The following NOL4 variants were observed in gnomAD, a reference collection of about 807,000 sequenced individuals.
NOL4 encodes the protein nucleolar protein 4.
A neutral mutation model predicts 75.9 loss-of-function variants in NOL4; 17 were observed. The ratio of observed to expected loss-of-function variants is 0.22; its 90% CI spans 0.15 to 0.34. The LOEUF (loss-of-function observed/expected upper bound fraction) is 0.34, where lower values mean the gene tolerates loss of function less well. Ranked by LOEUF, NOL4 falls within the 10% of genes least tolerant of loss-of-function variation. The probability of loss-of-function intolerance (pLI) is 1.00; values close to 1 mark genes in which losing one functional copy is unlikely to be tolerated. For synonymous variants in NOL4, 292 were observed against 289.9 expected (o/e 1.01, Z -0.07); for missense variants, 614 against 793.5 (o/e 0.77, Z 2.72).
chr18:34,174,872 G>T (rs988549212), intron 1 of NOL4, among the ~76,000 whole-genome samples: 16 of 151,966 alleles, frequency 1.1e-4, no homozygotes, highest in Non-Finnish European at 2.2e-4. Context: ...CTTTTTTATG[G>T]CTGCATAGTA....
At chr18:33,984,258 T>C (rs2072247513) in intron 6 of NOL4, among the ~76,000 whole-genome samples, 1 of 152,138 alleles carries the variant, frequency 6.6e-6, no homozygotes, top group Admixed American at 6.6e-5. Context: ...GATCTAATTT[T>C]CACTCATATC....
At chr18:34,074,047 T>C (rs1338074407) in intron 5 of NOL4, among the ~76,000 whole-genome samples, 1 of 151,730 alleles carries the variant, frequency 6.6e-6, no homozygotes, top group East Asian at 1.9e-4. Context: ...TATAAATACA[T>C]TAGAAAATAA....
intron 6 of NOL4, among the ~76,000 whole-genome samples, chr18:33,997,140 A>G (rs1209996028): frequency 1.3e-5 from 2 of 151,938 alleles, no homozygotes; most frequent in Non-Finnish European, 2.9e-5. Context: ...ATTTTTGAGT[A>G]CTTACTAATT....
chr18:34,221,186 T>C (rs1187554691), intron 1 of NOL4: 1 of 152,120 alleles, frequency 6.6e-6, no homozygotes, highest in Non-Finnish European at 1.5e-5. Flanking sequence ...AAGTTTAACA[T>C]AAAAGGAATG....
At chr18:34,148,004 G>C (rs925351126) in intron 1 of NOL4, among the ~76,000 whole-genome samples, 1 of 152,100 alleles carries the variant, frequency 6.6e-6, no homozygotes, top group Admixed American at 6.6e-5. Flanking sequence ...TATTTACATA[G>C]AGGTGTTTAT....
intron 6 of NOL4, among the ~76,000 whole-genome samples, chr18:33,980,210 AC>A (rs1271569421): frequency 6.6e-6 from 1 of 152,098 alleles, no homozygotes; most frequent in East Asian, 1.9e-4. Flanking sequence ...ATCCATGGGA[AC>A]CACTATTGGA....
chr18:33,980,650 T>C (rs2145975676), intron 6 of NOL4, among the ~76,000 whole-genome samples: 1 of 151,892 alleles, frequency 6.6e-6, no homozygotes, highest in East Asian at 2.0e-4. Flanking sequence ...AGTCACAGTC[T>C]AGTGTCCAGG....
At chr18:34,123,032 T>C (rs1600664963) in intron 2 of NOL4, among the ~76,000 whole-genome samples, 1 of 152,036 alleles carries the variant, frequency 6.6e-6, no homozygotes, top group South Asian at 2.1e-4. Context: ...GAATATTCAC[T>C]GGGATATTAT....
chr18:33,866,500 T>G (rs1215860718), intron 10 of NOL4, among the ~76,000 whole-genome samples: 2 of 152,118 alleles, frequency 1.3e-5, no homozygotes, highest in African/African-American at 4.8e-5. Flanking sequence ...TTTGCCACAT[T>G]GGCCTTTCTA....
chr18:34,142,549 G>A (rs553197843), intron 1 of NOL4, among the ~76,000 whole-genome samples: 10 of 152,234 alleles, frequency 6.6e-5, no homozygotes, highest in Admixed American at 4.6e-4. Flanking sequence ...GATGAAGCTG[G>A]AAACCATCAT....
At chr18:34,106,985 T>C (rs953039700) in intron 2 of NOL4, among the ~76,000 whole-genome samples, 4 of 152,130 alleles carry the variant, frequency 2.6e-5, no homozygotes, top group African/African-American at 7.2e-5. Context: ...TTGGTTTTTC[T>C]AGATTTCTAT....
chr18:33,888,671 A>G (rs1169823653), intron 9 of NOL4, among the ~76,000 whole-genome samples: 1 of 152,126 alleles, frequency 6.6e-6, no homozygotes, highest in Non-Finnish European at 1.5e-5. Flanking sequence ...TTTATTAAAT[A>G]GGGAATTCCT....
At chr18:33,970,779 T>A (rs1269851439) in intron 6 of NOL4, among the ~76,000 whole-genome samples, 1 of 151,982 alleles carries the variant, frequency 6.6e-6, no homozygotes, top group African/African-American at 2.4e-5. Flanking sequence ...CAGTGGCAAC[T>A]TTGTATGTTA....
intron 10 of NOL4, among the ~76,000 whole-genome samples, chr18:33,856,899 T>A (rs897207361): frequency 6.6e-6 from 1 of 152,088 alleles, no homozygotes; most frequent in Non-Finnish European, 1.5e-5. Context: ...TTTTTCTTAA[T>A]TGAGCTTCAC....
intron 9 of NOL4, among the ~76,000 whole-genome samples, chr18:33,937,776 T>C (rs2068166288): frequency 2.0e-5 from 3 of 152,060 alleles, no homozygotes; most frequent in South Asian, 4.1e-4. Context: ...AAGAAAAAAG[T>C]AGTTTATACA....
intron 9 of NOL4, among the ~76,000 whole-genome samples, chr18:33,924,618 T>C (rs1379209931): frequency 6.6e-6 from 1 of 152,188 alleles, no homozygotes; most frequent in Non-Finnish European, 1.5e-5. Context: ...TACACATATT[T>C]AGGGCTCACT....
At chr18:34,198,335 G>A (rs1332753265) in intron 1 of NOL4, among the ~76,000 whole-genome samples, 5 of 151,708 alleles carry the variant, frequency 3.3e-5, no homozygotes, top group Non-Finnish European at 7.4e-5. Context: ...TCCATAAAGA[G>A]AAACACTAAA....
intron 5 of NOL4, among the ~76,000 whole-genome samples, chr18:34,047,532 T>C (rs191961307): frequency 1.4e-3 from 211 of 152,262 alleles, no homozygotes; most frequent in African/African-American, 4.9e-3. Context: ...ACAAGGGTTA[T>C]ATATTAATAT....
At chr18:34,000,969 G>A (rs2073655832) in intron 6 of NOL4, among the ~76,000 whole-genome samples, 1 of 152,002 alleles carries the variant, frequency 6.6e-6, no homozygotes, top group African/African-American at 2.4e-5. Flanking sequence ...CATGAATATA[G>A]AAAATGTAAC....
Sources: allele counts gnomAD v4.1 joint callset (sites outside exome capture counted in the v4.1 genomes callset), GRCh38; gene constraint gnomAD v4.1.1; transcripts MANE v1.5; gene names NCBI Gene and HGNC (gene_info 2026-07-23, HGNC 2026-07-21).